The following ZDHHC8 variants were observed in gnomAD, a reference collection of about 807,000 sequenced individuals.
The protein encoded by ZDHHC8 is palmitoyltransferase ZDHHC8.
A neutral mutation model predicts 61.2 loss-of-function variants in ZDHHC8; 24 were observed. That is an observed-to-expected ratio of 0.39 (90% CI 0.28 to 0.55). The LOEUF is 0.55. Among genes scored for constraint, ZDHHC8 ranks in the 20% least tolerant of loss-of-function variants. The probability of loss-of-function intolerance (pLI) is 0.60; values close to 1 mark genes in which losing one functional copy is unlikely to be tolerated. For synonymous variants in ZDHHC8, 523 were observed against 492.5 expected (o/e 1.06, Z -0.82); for missense variants, 935 against 1,102.1 (o/e 0.85, Z 2.15).
At chr22:20,137,806 C>T (rs1475086151) in intron 1 of ZDHHC8, among the ~76,000 whole-genome samples, 2 of 152,162 alleles carry the variant, frequency 1.3e-5, no homozygotes, top group African/African-American at 2.4e-5. Flanking sequence ...TGCCTGTGTG[C>T]CAGGCAGGGC....
At chr22:20,141,044 G>A in intron 7 of ZDHHC8, 32 bp downstream of exon 7, 1 of 1,608,348 alleles carries the variant, frequency 6.2e-7, no homozygotes, top group Non-Finnish European at 8.5e-7. Flanking sequence ...TGGGCTGGCA[G>A]TCAGGCCCTT....
chr22:20,140,572 C>T (rs1199512830), intron 5 of ZDHHC8, 45 bp from the exon 6 acceptor site: 3 of 1,543,036 alleles, frequency 1.9e-6, no homozygotes, highest in Non-Finnish European at 2.6e-6. Flanking sequence ...CCACCCTGGC[C>T]TGGACCTTGG....
Position 20,139,586 on chromosome 22 carries a change from A to G in ZDHHC8, c.335A>G (p.Tyr112Cys). 6.2e-7 allele frequency: 1 copy of G among 1,612,978 alleles called. No homozygotes were observed. The highest frequency in any genetic ancestry group is 2.2e-5 in the East Asian group (1 of 44,888). The change falls in exon 3 of 11, where the codon TAC (tyrosine) becomes TGC (cysteine). Residue 112 changes from tyrosine to cysteine, a missense_variant. Around this residue, in one of 3 missense-constraint regions of ZDHHC8, gnomAD observed 199 missense variants for 334.0 expected, o/e 0.60. Coordinates refer to ENST00000334554, the MANE Select transcript of ZDHHC8 (RefSeq NM_013373.4). Reference sequence around the variant, plus strand: ...AAGTGGTGTGCCACGTGCCACTTCTACCGCCCGCCGCGCTGCTCCCACTGC... The same window carrying G: ...AAGTGGTGTGCCACGTGCCACTTCTGCCGCCCGCCGCGCTGCTCCCACTGC... ...RMKWCATCHF[Y>C]RPPRCSHCSV... is the part of the protein sequence containing the mutation.
Position 20,146,771 on chromosome 22 carries a change from G to A in ZDHHC8, c.*1371G>A, listed in dbSNP as rs1319988693. The A allele has an allele frequency of 1.6e-6, 2 of 1,224,366 alleles. No individual in the cohort carries two copies. Among genetic ancestry groups the A allele is most frequent in the South Asian group, 4.0e-5 (1 of 24,786 alleles). The allele number at this position is 1,224,366 out of a possible 1,614,324, so 75.8% of individuals were successfully genotyped here. ...GACTCTCAGGAACCCGAGAGCTTGG[G>A]GAGATGAAATGGGGGTGCATAGGGG... is the stretch of plus-strand genomic sequence containing the variant. On this transcript the variant is annotated 3_prime_UTR_variant, in exon 11 of 11. Transcript: ENST00000334554.
chr22:20,143,374 C>T lies in ZDHHC8; in HGVS notation c.1744C>T (p.Pro582Ser), dbSNP rs183147657. Residue 582 changes from proline (P) to serine (S), a missense_variant, in exon 10 of 11, where the codon CCC becomes TCC. This residue lies in a region of ZDHHC8 where 692 missense variants were observed against 731.4 expected (regional missense o/e 0.95). Coordinates refer to ENST00000334554, the MANE Select transcript of ZDHHC8 (RefSeq NM_013373.4). ...LFGDSGVYDA[P>S]SSYSLQQASV... ...CGGCGACTCAGGCGTCTATGACGCT[C>T]CCAGCTCCTACAGCCTGCAGCAGGC... 1.3e-6 allele frequency: 2 copies of T among 1,585,326 alleles called. No individual in the cohort carries two copies. Among genetic ancestry groups the T allele is most frequent in the South Asian group, 1.1e-5 (1 of 88,756 alleles).
At chr22:20,142,727 G>C (rs1169150415) in intron 9 of ZDHHC8, 29 bp from the exon 10 acceptor site, 4 of 1,610,612 alleles carry the variant, frequency 2.5e-6, no homozygotes, top group Non-Finnish European at 3.4e-6. Context: ...TGGCAGGTGG[G>C]CAGTGGTGAG....
chr22:20,142,685 C>G, intron 9 of ZDHHC8, 71 bp from the exon 10 acceptor site: 2 of 1,597,156 alleles, frequency 1.3e-6, no homozygotes, highest in Non-Finnish European at 1.7e-6. Context: ...TGTGTGGCCC[C>G]CGTGGGTGCT....
At position 20,142,418 on chromosome 22, in the gene ZDHHC8, C is replaced by T. The variant is rs549216663; in HGVS notation, c.1126-338C>T. On this transcript the variant is annotated intron_variant, in intron 9 of 10. Transcript: ENST00000334554. ...GTTCCTGAGGCTCTTGTCCCAAGCC[C>T]AAGCCCAAGCCCATGCCTATGTGCC... Among the ~76,000 whole-genome samples the T allele has an allele frequency of 1.2e-4, 19 of 152,316 alleles. No homozygotes were observed. In the East Asian group the frequency reaches 3.7e-3, roughly 29 times the overall value.
intron 7 of ZDHHC8, 50 bp downstream of exon 7, chr22:20,141,062 GA>G (rs1224949593): frequency 6.2e-7 from 1 of 1,604,950 alleles, no homozygotes; most frequent in Non-Finnish European, 8.5e-7. Context: ...CTTGGATGGG[GA>G]AACAGGCAGG....
chr22:20,131,898 G>C lies in ZDHHC8; in HGVS notation c.-50G>C. 3.7e-5 allele frequency: 20 copies of C among 537,854 alleles called. No homozygotes were observed. Among genetic ancestry groups the C allele is most frequent in the Non-Finnish European group, 4.3e-5 (18 of 419,022 alleles). The allele number at this position is 537,854 out of a possible 1,614,324, so 33.3% of individuals were successfully genotyped here. ...GCCCGACCCCGGCCCGACCCCGGCC[G>C]GCCCTGCCCGCCCGGCCCCGGGGAG... On this transcript the variant is annotated 5_prime_UTR_variant, in exon 1 of 11. Coordinates refer to ENST00000334554, the MANE Select transcript of ZDHHC8 (RefSeq NM_013373.4).
chr22:20,145,349 G>T lies in ZDHHC8; in HGVS notation c.2247G>T (p.Leu749=), dbSNP rs750469881. Residue 749 remains leucine, a synonymous_variant, in exon 11 of 11, where the codon CTG becomes CTT. Transcript: ENST00000334554. ...GPSASPTRHT[L]VKKVSGVGGT... Reference sequence around the variant, plus strand: ...CTGCCAGCCCTACACGGCACACGCTGGTTAAGAAGGTGTCCGGCGTGGGTG... The same window carrying T: ...CTGCCAGCCCTACACGGCACACGCTTGTTAAGAAGGTGTCCGGCGTGGGTG... 6 of 1,585,546 alleles carry T rather than the reference G, an allele frequency of 3.8e-6. No individual in the cohort carries two copies.
chr22:20,147,169 G>C lies in ZDHHC8; in HGVS notation c.*1769G>C. 6.5e-7 allele frequency: 1 copy of C among 1,529,064 alleles called. No homozygotes were observed. The highest frequency in any genetic ancestry group is 8.8e-7 in the Non-Finnish European group (1 of 1,138,178). The allele number at this position is 1,529,064 out of a possible 1,614,324, so 94.7% of individuals were successfully genotyped here. Reference sequence around the variant, plus strand: ...CCAGGCCGCCGGGGCACCCCCACGCGGGGCCATGTGCCGCCTGCACTTGGC... The same window carrying C: ...CCAGGCCGCCGGGGCACCCCCACGCCGGGCCATGTGCCGCCTGCACTTGGC... On this transcript the variant is annotated 3_prime_UTR_variant, in exon 11 of 11. Transcript: ENST00000334554.
chr22:20,132,067 G>A lies in ZDHHC8; in HGVS notation c.104+16G>A. On this transcript the variant is annotated intron_variant, in intron 1 of 10. Coordinates refer to ENST00000334554, the MANE Select transcript of ZDHHC8 (RefSeq NM_013373.4). ...TCGTGTTCACGTGAGTCGGCGCCGC[G>A]TCTGGGGGCACGCGGGCAGCGATGG... 7.9e-7 allele frequency: 1 copy of A among 1,272,650 alleles called. No individual in the cohort carries two copies. Among genetic ancestry groups the A allele is most frequent in the Non-Finnish European group, 1.0e-6 (1 of 990,654 alleles). 78.8% of individuals were successfully genotyped at this position (1,272,650 alleles called of 1,614,324 possible).
At chr22:20,134,001 A>G (rs1357713481) in intron 1 of ZDHHC8, among the ~76,000 whole-genome samples, 1 of 152,174 alleles carries the variant, frequency 6.6e-6, no homozygotes, top group Non-Finnish European at 1.5e-5. Flanking sequence ...TCTGCTGAGC[A>G]CCAGTTTCCC....
In ZDHHC8 at chr22:20,146,637, G is replaced by A. The variant is rs897084023; in HGVS notation, c.*1237G>A. 8 of 1,008,360 alleles carry A rather than the reference G, an allele frequency of 7.9e-6. No homozygotes were observed. The East Asian group carries it at 2.9e-4, about 36-fold the overall frequency. 62.5% of individuals were successfully genotyped at this position (1,008,360 alleles called of 1,614,324 possible). On this transcript the variant is annotated 3_prime_UTR_variant, in exon 11 of 11. Coordinates refer to ENST00000334554, the MANE Select transcript of ZDHHC8 (RefSeq NM_013373.4). ...AGAGGCTTGGGAAGAGGGGGCGGCC[G>A]ATGGTCTGTGGCTGGGAAGTGTGAG...
chr22:20,143,317 C>T lies in ZDHHC8; in HGVS notation c.1687C>T (p.Arg563Cys), dbSNP rs745468471. The change falls in exon 10 of 11, where the codon CGC (arginine) becomes TGC (cysteine). Residue 563 changes from arginine to cysteine, a missense_variant. By Grantham distance (180) the Arg-to-Cys change is radical. Transcript: ENST00000334554. ...QERKDREERE[R>C]LLRSQADSLF... is the part of the protein sequence containing the mutation. The stretch of plus-strand genomic sequence containing the variant: ...GCGCAAGGACAGGGAGGAGCGTGAG[C>T]GCCTGCTGCGCTCCCAGGCCGACTC... The T allele has an allele frequency of 1.1e-5, 18 of 1,594,462 alleles. No homozygotes were observed. In the Admixed American group the frequency reaches 1.4e-4, roughly 12 times the overall value.
At position 20,143,034 on chromosome 22, in the gene ZDHHC8, T is replaced by A; in HGVS notation, c.1404T>A (p.His468Gln). 1 of 1,612,416 alleles carries A rather than the reference T, an allele frequency of 6.2e-7. No individual in the cohort carries two copies. The highest frequency in any genetic ancestry group is 8.5e-7 in the Non-Finnish European group (1 of 1,179,834). Reference protein sequence around the residue: ...PTPHRSIFAPHALPNRNGSLS... With the variant: ...PTPHRSIFAPQALPNRNGSLS... The stretch of plus-strand genomic sequence containing the variant: ...CCCACCGTAGCATTTTTGCCCCCCA[T>A]GCACTGCCCAACCGCAACGGCAGCC... Residue 468 changes from histidine to glutamine, a missense_variant, in exon 10 of 11, where the codon CAT becomes CAA. Coordinates refer to ENST00000334554, the MANE Select transcript of ZDHHC8 (RefSeq NM_013373.4).
intron 1 of ZDHHC8, among the ~76,000 whole-genome samples, chr22:20,133,376 G>C (rs1442467859): frequency 1.3e-5 from 2 of 152,114 alleles, no homozygotes; most frequent in African/African-American, 4.8e-5. Flanking sequence ...TTGGGCGGGG[G>C]GTCTGGCTTG....
At position 20,143,033 on chromosome 22, in the gene ZDHHC8, A is replaced by G. The variant is rs142729395; in HGVS notation, c.1403A>G (p.His468Arg). ...PTPHRSIFAP[H>R]ALPNRNGSLS... ...CCCCACCGTAGCATTTTTGCCCCCC[A>G]TGCACTGCCCAACCGCAACGGCAGC... The change falls in exon 10 of 11, where the codon CAT (histidine) becomes CGT (arginine). Residue 468 changes from histidine to arginine, a missense_variant. Transcript: ENST00000334554. The G allele has an allele frequency of 1.2e-6, 2 of 1,611,824 alleles. No homozygotes were observed. Among genetic ancestry groups the G allele is most frequent in the African/African-American group, 1.3e-5 (1 of 74,712 alleles).
Sources: allele counts gnomAD v4.1 joint callset (sites outside exome capture counted in the v4.1 genomes callset), GRCh38; gene constraint gnomAD v4.1.1; regional missense constraint gnomAD v4.1.1; transcripts MANE v1.5; gene names NCBI Gene and HGNC (gene_info 2026-07-23, HGNC 2026-07-21).